CADM2: variants seen among roughly 807,000 people sequenced by gnomAD.
CADM2 encodes cell adhesion molecule 2, also known as immunoglobulin superfamily member 4D.
CADM2 carries 12 observed loss-of-function variants against 49.8 expected under a neutral mutation model. That is an observed-to-expected ratio of 0.24 (90% CI 0.15 to 0.39). CADM2 has a LOEUF of 0.39. Among genes scored for constraint, CADM2 ranks in the 10% least tolerant of loss-of-function variants. The probability of loss-of-function intolerance (pLI) is 1.00; values close to 1 mark genes in which losing one functional copy is unlikely to be tolerated. For synonymous variants in CADM2, 214 were observed against 175.4 expected (o/e 1.22, Z -1.74); for missense variants, 378 against 492.3 (o/e 0.77, Z 2.20).
In CADM2 at chr3:84,959,243, C is replaced by T. The variant is rs2030201820; in HGVS notation, c.-365C>T. 1 of 388,958 alleles carries T rather than the reference C, an allele frequency of 2.6e-6. No homozygotes were observed. The highest frequency in any genetic ancestry group is 6.0e-5 in the East Asian group (1 of 16,718). 24.1% of individuals were successfully genotyped at this position (388,958 alleles called of 1,614,324 possible). ...TTGCAGCCCTCGCCCGCACCTTCTC[C>T]AACACCCCGGCATCCCTGCACCACC... On this transcript the variant is annotated 5_prime_UTR_variant, in exon 1 of 10. Coordinates refer to ENST00000383699, the MANE Select transcript of CADM2 (RefSeq NM_001167675.2).
chr3:85,356,246 G>A (rs1024881723), intron 1 of CADM2, among the ~76,000 whole-genome samples: 3 of 152,136 alleles, frequency 2.0e-5, no homozygotes, highest in African/African-American at 7.2e-5. Context: ...ATGTTTTTCT[G>A]TATGACTAGT....
intron 6 of CADM2, among the ~76,000 whole-genome samples, chr3:85,928,858 G>A (rs558510317): frequency 4.6e-5 from 7 of 152,096 alleles, no homozygotes; most frequent in African/African-American, 1.4e-4. Flanking sequence ...ACACACAATC[G>A]AGTAAGTTAA....
chr3:85,444,380 T>A (rs1294408138), intron 1 of CADM2, among the ~76,000 whole-genome samples: 1 of 151,876 alleles, frequency 6.6e-6, no homozygotes, highest in South Asian at 2.1e-4. Context: ...TTATAAGTTG[T>A]CCAAACTCAC....
intron 1 of CADM2, among the ~76,000 whole-genome samples, chr3:85,575,908 A>G (rs1011044957): frequency 6.6e-5 from 10 of 152,228 alleles, no homozygotes; most frequent in African/African-American, 2.2e-4. Flanking sequence ...CTACGTGTAG[A>G]CAGAAGTGAA....
At chr3:86,021,659 A>G (rs1347374740) in intron 8 of CADM2, among the ~76,000 whole-genome samples, 2 of 152,186 alleles carry the variant, frequency 1.3e-5, no homozygotes, top group Non-Finnish European at 2.9e-5. Context: ...ATTGTCCTCC[A>G]GGCTCATCCA....
chr3:85,049,114 G>A (rs1576113454), intron 1 of CADM2, among the ~76,000 whole-genome samples: 2 of 152,214 alleles, frequency 1.3e-5, no homozygotes, highest in South Asian at 2.1e-4. Flanking sequence ...TCATTCCGAT[G>A]AGGATAATGG....
chr3:85,132,956 C>G (rs1213165694), intron 1 of CADM2, among the ~76,000 whole-genome samples: 1 of 151,950 alleles, frequency 6.6e-6, no homozygotes, highest in African/African-American at 2.4e-5. Context: ...TTCTGATATT[C>G]GGATATGTTC....
At chr3:85,452,618 T>C (rs2037802677) in intron 1 of CADM2, among the ~76,000 whole-genome samples, 1 of 152,124 alleles carries the variant, frequency 6.6e-6, no homozygotes, top group Non-Finnish European at 1.5e-5. Context: ...CATCAGTCTT[T>C]GTTCTTTGAA....
At chr3:85,546,816 T>C (rs1456848871) in intron 1 of CADM2, among the ~76,000 whole-genome samples, 2 of 143,724 alleles carry the variant, frequency 1.4e-5, no homozygotes, top group African/African-American at 4.9e-5. Flanking sequence ...GCATAGTAAA[T>C]AATTCAAGAA....
Position 85,683,784 on chromosome 3 carries a change from A to G in CADM2, c.62-42738A>G, listed in dbSNP as rs191049335. On this transcript the variant is annotated intron_variant, in intron 1 of 9. Transcript: ENST00000383699. ...CATAGAAAACAGTGCAAACAGTGGA[A>G]AAGTTAGCAGAATACAGGTGGTCTA... 7.5e-4 allele frequency among the ~76,000 whole-genome samples: 114 copies of G among 152,304 alleles called. 2 individuals are homozygous for G. Among genetic ancestry groups the G allele is most frequent in the Non-Finnish European group, 5.3e-4 (36 of 68,004 alleles).
At chr3:85,769,600 A>G (rs182670343) in intron 2 of CADM2, among the ~76,000 whole-genome samples, 1,012 of 85,380 alleles carry the variant, frequency 0.012, 53 homozygotes, top group African/African-American at 0.047. Flanking sequence ...GTATATACAC[A>G]TATATACATA....
chr3:85,180,125 A>G (rs1214977216), intron 1 of CADM2, among the ~76,000 whole-genome samples: 1 of 152,136 alleles, frequency 6.6e-6, no homozygotes, highest in Non-Finnish European at 1.5e-5. Context: ...AGTAAAATAT[A>G]TAGTAGGTTA....
intron 8 of CADM2, among the ~76,000 whole-genome samples, chr3:86,002,440 A>G (rs1294893226): frequency 6.6e-6 from 1 of 152,128 alleles, no homozygotes; most frequent in Non-Finnish European, 1.5e-5. Flanking sequence ...CTTAATTACA[A>G]TCACAATTCT....
At chr3:85,642,561 T>G (rs934140679) in intron 1 of CADM2, among the ~76,000 whole-genome samples, 3 of 152,178 alleles carry the variant, frequency 2.0e-5, no homozygotes, top group African/African-American at 7.2e-5. Flanking sequence ...TAGTTTAAGA[T>G]TTAATCAATT....
chr3:85,814,892 T>C (rs2073115846), intron 3 of CADM2, among the ~76,000 whole-genome samples: 1 of 151,992 alleles, frequency 6.6e-6, no homozygotes, highest in Non-Finnish European at 1.5e-5. Flanking sequence ...TAGAATATTC[T>C]ACCTATGCAG....
At chr3:84,992,716 C>T (rs922664263) in intron 1 of CADM2, among the ~76,000 whole-genome samples, 1 of 152,096 alleles carries the variant, frequency 6.6e-6, no homozygotes, top group Non-Finnish European at 1.5e-5. Context: ...TACCTCAAAT[C>T]GTATTATAAA....
intron 1 of CADM2, among the ~76,000 whole-genome samples, chr3:85,295,318 T>C (rs936880247): frequency 1.7e-3 from 258 of 152,024 alleles, no homozygotes; most frequent in Middle Eastern, 6.8e-3. Flanking sequence ...TGTGGAGAAA[T>C]AGGAACACTT....
chr3:85,332,806 T>C (rs1230750512), intron 1 of CADM2, among the ~76,000 whole-genome samples: 6 of 151,672 alleles, frequency 4.0e-5, no homozygotes, highest in Non-Finnish European at 8.8e-5. Flanking sequence ...TGCAAGTAGA[T>C]TGAAGATTTG....
chr3:85,052,262 A>G (rs951552947), intron 1 of CADM2, among the ~76,000 whole-genome samples: 2 of 152,122 alleles, frequency 1.3e-5, no homozygotes, highest in African/African-American at 4.8e-5. Context: ...GTTATAGATG[A>G]ATCGAGAAAA....
Sources: allele counts gnomAD v4.1 joint callset (sites outside exome capture counted in the v4.1 genomes callset), GRCh38; gene constraint gnomAD v4.1.1; transcripts MANE v1.5; gene names NCBI Gene and HGNC (gene_info 2026-07-23, HGNC 2026-07-21).